Variants in BMPR2 observed in about 807,000 individuals in gnomAD.
The protein encoded by BMPR2 is bone morphogenetic protein receptor type 2.
A neutral mutation model predicts 100.8 loss-of-function variants in BMPR2; 29 were observed. The observed-to-expected ratio is 0.29, with a 90% CI of 0.21 to 0.39. The LOEUF is 0.39. BMPR2 is among the 10% of genes least tolerant of loss of function. The probability of loss-of-function intolerance (pLI) is 1.00; values close to 1 mark genes in which losing one functional copy is unlikely to be tolerated. For missense variants in BMPR2, 1,011 were observed against 1,274.5 expected (o/e 0.79, Z 3.15); for synonymous variants, 382 against 442.3 (o/e 0.86, Z 1.71).
At chr2:202,383,869 A>G (rs1035754264) in intron 1 of BMPR2, among the ~76,000 whole-genome samples, 3 of 150,610 alleles carry the variant, frequency 2.0e-5, no homozygotes, top group African/African-American at 7.3e-5. Context: ...AAAAATTACT[A>G]TTTTCAAAAG....
Position 202,419,430 on chromosome 2 carries a change from C to T in BMPR2, c.76+41880C>T, listed in dbSNP as rs138895919. Among the ~76,000 whole-genome samples the T allele has an allele frequency of 6.1e-3, 933 of 152,256 alleles. 10 individuals are homozygous for T. Among genetic ancestry groups the T allele is most frequent in the Non-Finnish European group, 0.011 (718 of 68,024 alleles). On this transcript the variant is annotated intron_variant, in intron 1 of 12. Coordinates refer to ENST00000374580, the MANE Select transcript of BMPR2 (RefSeq NM_001204.7). ...GGAGTGCAGTGGCAAGATCTCAGCT[C>T]ACTGCAACCTCTGCTGCCCAGGTTT...
intron 1 of BMPR2, among the ~76,000 whole-genome samples, chr2:202,455,953 T>A (rs1445107750): frequency 6.7e-6 from 1 of 149,138 alleles, no homozygotes; most frequent in Non-Finnish European, 1.5e-5. Flanking sequence ...TAGTCCCAGC[T>A]ACTTGGGAGG....
chr2:202,384,821 G>A (rs1315758177), intron 1 of BMPR2, among the ~76,000 whole-genome samples: 1 of 151,864 alleles, frequency 6.6e-6, no homozygotes, highest in Non-Finnish European at 1.5e-5. Context: ...TCGAACTCCC[G>A]ACCTCAGGTA....
In BMPR2 at chr2:202,503,461, G is replaced by T. The variant is rs551734474; in HGVS notation, c.419-10258G>T. 2.6e-5 allele frequency among the ~76,000 whole-genome samples: 4 copies of T among 152,226 alleles called. No homozygotes were observed. The highest frequency in any genetic ancestry group is 9.6e-5 in the African/African-American group (4 of 41,456). ...AGTTCCGGTTGGGCATGGGCTTGGCGGGCCCCGCACTCGGAGCAGCCAGCC... is the reference window on the plus strand; with the variant it reads ...AGTTCCGGTTGGGCATGGGCTTGGCTGGCCCCGCACTCGGAGCAGCCAGCC... On this transcript the variant is annotated intron_variant, in intron 3 of 12. Transcript: ENST00000374580. The surrounding 1 kb of genome is among the most constrained non-coding windows in gnomAD (Gnocchi z 4.0).
intron 1 of BMPR2, among the ~76,000 whole-genome samples, chr2:202,408,914 C>T (rs1374671197): frequency 6.6e-6 from 1 of 152,160 alleles, no homozygotes; most frequent in Admixed American, 6.5e-5. Flanking sequence ...TATGTCTGGA[C>T]ATGTCTGGAC....
At chr2:202,548,020 G>C (rs1026949185) in intron 10 of BMPR2, among the ~76,000 whole-genome samples, 2 of 151,898 alleles carry the variant, frequency 1.3e-5, no homozygotes, top group Non-Finnish European at 2.9e-5. Context: ...GGGAGGTGGA[G>C]ATTGCAGTGA....
chr2:202,513,038 C>T (rs1687652704), intron 3 of BMPR2, among the ~76,000 whole-genome samples: 1 of 151,312 alleles, frequency 6.6e-6, no homozygotes, highest in African/African-American at 2.4e-5. Flanking sequence ...AATCATGGCT[C>T]ACTGCAGCCT....
At chr2:202,452,048 C>T (rs1198229610) in intron 1 of BMPR2, among the ~76,000 whole-genome samples, 2 of 152,150 alleles carry the variant, frequency 1.3e-5, no homozygotes, top group African/African-American at 4.8e-5. Flanking sequence ...GCCACTGCGC[C>T]TGGCCAATTC....
At chr2:202,552,466 T>A (rs1024604087) in intron 10 of BMPR2, among the ~76,000 whole-genome samples, 3 of 152,242 alleles carry the variant, frequency 2.0e-5, no homozygotes, top group Non-Finnish European at 4.4e-5. Context: ...TGAAGAAACA[T>A]CTACGACTTA....
chr2:202,413,941 G>A (rs1459823793), intron 1 of BMPR2, among the ~76,000 whole-genome samples: 2 of 152,142 alleles, frequency 1.3e-5, no homozygotes, highest in Non-Finnish European at 2.9e-5. Flanking sequence ...TGGGATTACA[G>A]GCATGAGCCA....
At chr2:202,538,608 G>A (rs1377192889) in intron 9 of BMPR2, among the ~76,000 whole-genome samples, 4 of 152,096 alleles carry the variant, frequency 2.6e-5, no homozygotes, top group Non-Finnish European at 4.4e-5. Flanking sequence ...CCTGACCAAC[G>A]TGGTGAAACC....
At chr2:202,447,445 A>G (rs993619423) in intron 1 of BMPR2, among the ~76,000 whole-genome samples, 1 of 150,714 alleles carries the variant, frequency 6.6e-6, no homozygotes, top group African/African-American at 2.5e-5. Flanking sequence ...AAATCCCAAC[A>G]CTGTGGGAGC....
intron 11 of BMPR2, 24 bp from the exon 12 acceptor site, chr2:202,555,228 T>G: frequency 6.3e-7 from 1 of 1,594,952 alleles, no homozygotes; most frequent in Non-Finnish European, 8.6e-7. Context: ...GTTCTCAATG[T>G]GATACTTTTT....
At chr2:202,511,828 T>G (rs1419524069) in intron 3 of BMPR2, among the ~76,000 whole-genome samples, 1 of 152,078 alleles carries the variant, frequency 6.6e-6, no homozygotes, top group East Asian at 1.9e-4. Context: ...AAGACCGATC[T>G]GGTTAACATG....
At chr2:202,478,584 C>T (rs1267974228) in intron 3 of BMPR2, among the ~76,000 whole-genome samples, 9 of 152,136 alleles carry the variant, frequency 5.9e-5, no homozygotes, top group Non-Finnish European at 1.2e-4. Context: ...GATCACTCTA[C>T]TGCACTCCAG....
chr2:202,456,513 CTTTCTTTTTTT>C (rs1692111333), intron 1 of BMPR2, among the ~76,000 whole-genome samples: 2 of 132,968 alleles, frequency 1.5e-5, no homozygotes, highest in African/African-American at 5.4e-5. Flanking sequence ...TTCTTTCTTT[CTTTCTTTTTTT>C]TTTTTTTCCA....
intron 1 of BMPR2, among the ~76,000 whole-genome samples, chr2:202,448,079 C>T (rs575610547): frequency 6.7e-6 from 1 of 150,272 alleles, no homozygotes; most frequent in South Asian, 2.1e-4. Context: ...TGTCTTATTC[C>T]CAGCATTTTT....
intron 6 of BMPR2, 64 bp downstream of exon 6, chr2:202,519,116 C>G: frequency 6.6e-7 from 1 of 1,519,164 alleles, no homozygotes; most frequent in East Asian, 2.3e-5. Context: ...AATCCCAGCA[C>G]TTTTGGAGGC....
chr2:202,414,522 A>T (rs1344557180), intron 1 of BMPR2, among the ~76,000 whole-genome samples: 1 of 152,234 alleles, frequency 6.6e-6, no homozygotes, highest in African/African-American at 2.4e-5. Context: ...GACAGGCTGA[A>T]AGCTAGGCCT....
Sources: gnomAD v4.1 joint callset for allele counts (sites outside exome capture counted in the v4.1 genomes callset) on GRCh38, gnomAD v4.1.1 for gene constraint, Gnocchi (gnomAD v3.1) non-coding constraint, MANE v1.5 for transcripts, NCBI Gene and HGNC (gene_info 2026-07-23, HGNC 2026-07-21) for gene names.